PTPRT: variants seen among roughly 807,000 people sequenced by gnomAD.
PTPRT encodes the protein protein tyrosine phosphatase receptor type T.
In PTPRT, 56 loss-of-function variants were observed where a neutral mutation model predicts 176.8. The ratio of observed to expected loss-of-function variants is 0.32; its 90% CI spans 0.26 to 0.40. PTPRT has a LOEUF of 0.40. PTPRT is among the 10% of genes least tolerant of loss of function. PTPRT has a pLI of 1.00. For missense variants in PTPRT, 1,540 were observed against 1,908.2 expected, an observed-to-expected ratio of 0.81 and a Z score of 3.60; for synonymous variants, 783 against 739.0, an observed-to-expected ratio of 1.06 and a Z score of -0.96.
chr20:42,199,405 AG>A lies in PTPRT; in HGVS notation c.2343-18del. On this transcript the variant is annotated intron_variant, in intron 15 of 30. Transcript: ENST00000373187. ...GCCAGCTTCCTTTGGGACATGTGCA[AG>A]GGGAAAAAACCACAGTCAGATGGTG... 1 of 1,611,588 alleles carries A rather than the reference AG, an allele frequency of 6.2e-7. No individual in the cohort carries two copies. Among genetic ancestry groups the A allele is most frequent in the African/African-American group, 1.3e-5 (1 of 74,910 alleles).
chr20:42,244,120 T>G (rs530203476), intron 14 of PTPRT, among the ~76,000 whole-genome samples: 38 of 152,204 alleles, frequency 2.5e-4, no homozygotes, highest in Non-Finnish European at 4.6e-4. Flanking sequence ...TAAAACTGGC[T>G]ACCTTTCATA....
intron 1 of PTPRT, among the ~76,000 whole-genome samples, chr20:42,907,108 A>T (rs901754881): frequency 5.3e-5 from 8 of 152,214 alleles, no homozygotes; most frequent in Non-Finnish European, 1.0e-4. Flanking sequence ...TGAGTAAATG[A>T]AAAAAATGAA....
At chr20:42,918,506 A>G (rs539029679) in intron 1 of PTPRT, among the ~76,000 whole-genome samples, 1 of 152,192 alleles carries the variant, frequency 6.6e-6, no homozygotes, top group East Asian at 1.9e-4. Flanking sequence ...CCTTCTAAGG[A>G]TTTGCTGACC....
chr20:42,747,910 C>T (rs2076713387), intron 6 of PTPRT, among the ~76,000 whole-genome samples: 2 of 152,186 alleles, frequency 1.3e-5, no homozygotes, highest in African/African-American at 4.8e-5. Context: ...ATCACTCAGG[C>T]TGCTGCATTG....
chr20:42,981,862 T>C (rs931016841), intron 1 of PTPRT, among the ~76,000 whole-genome samples: 7 of 152,214 alleles, frequency 4.6e-5, no homozygotes, highest in Non-Finnish European at 4.4e-5. Context: ...AATGGATGGC[T>C]TTGGGTGTTG....
Position 42,520,982 on chromosome 20 carries a change from ATCTG to A in PTPRT, c.1154-48424_1154-48421del, listed in dbSNP as rs756613515. On this transcript the variant is annotated intron_variant, in intron 7 of 30. Transcript: ENST00000373187. ...CACCAACCTACATACATATGTGACT[ATCTG>A]TCTGTCTGTCTATCTATCTATCATC... is the stretch of plus-strand genomic sequence containing the variant. Among the ~76,000 whole-genome samples, 158 of 149,956 alleles carry A rather than the reference ATCTG, an allele frequency of 1.1e-3. 1 individual carries two copies. The highest frequency in any genetic ancestry group is 3.9e-3 in the East Asian group (20 of 5,158).
rs1425286016 is a variant in PTPRT, at chr20:42,104,654, G to A, written c.3455C>T (p.Pro1152Leu). 6 of 1,599,056 alleles carry A rather than the reference G, an allele frequency of 3.8e-6. No individual in the cohort carries two copies. Among genetic ancestry groups the A allele is most frequent in the Non-Finnish European group, 5.1e-6 (6 of 1,166,380 alleles). ...EACLCGNTAI[P>L]VCEFRSLYYN... ...GTAGAGAGAACGGAACTCACACACA[G>A]GGATGGCAGTGTTGCCACAGAGGCA... The change falls in exon 25 of 31, where the codon CCT becomes CTT. Residue 1152 changes from proline (P) to leucine (L), a missense_variant. Transcript: ENST00000373187.
intron 7 of PTPRT, among the ~76,000 whole-genome samples, chr20:42,487,543 G>C (rs1385588585): frequency 6.6e-6 from 1 of 152,024 alleles, no homozygotes; most frequent in Non-Finnish European, 1.5e-5. Flanking sequence ...GGATTATCCG[G>C]GTGGGCCCCA....
chr20:42,370,342 C>T (rs2058571003), intron 9 of PTPRT, among the ~76,000 whole-genome samples: 1 of 152,168 alleles, frequency 6.6e-6, no homozygotes, highest in African/African-American at 2.4e-5. Context: ...TGCCAGGTGT[C>T]AAGCCTTCCC....
intron 11 of PTPRT, among the ~76,000 whole-genome samples, chr20:42,347,222 CAATTCAGAAAACT>C (rs1186804288): frequency 7.2e-5 from 11 of 152,334 alleles, no homozygotes; most frequent in African/African-American, 1.4e-4. Context: ...AGTAAAGGAA[CAATTCAGAAAACT>C]AATTCAGAAA....
At position 42,720,794 on chromosome 20, in the gene PTPRT, C is replaced by T. The variant is rs184846757; in HGVS notation, c.859+35668G>A. On this transcript the variant is annotated intron_variant, in intron 6 of 30. Coordinates refer to ENST00000373187, the MANE Select transcript of PTPRT (RefSeq NM_007050.6). ...TTTTCAAGATATTTTGTCAGAATTG[C>T]TTGTCATAGAGGCATAGAATAATGT... is the stretch of plus-strand genomic sequence containing the variant. Among the ~76,000 whole-genome samples the T allele has an allele frequency of 3.9e-5, 6 of 152,328 alleles. No individual in the cohort carries two copies. The East Asian group carries it at 9.6e-4, about 24-fold the overall frequency.
In PTPRT at chr20:42,080,219, G is replaced by A. The variant is rs548058124; in HGVS notation, c.*660C>T. 2.2e-4 allele frequency: 52 copies of A among 232,938 alleles called. No homozygotes were observed. The highest frequency in any genetic ancestry group is 3.8e-4 in the Non-Finnish European group (45 of 117,918). The allele number at this position is 232,938 out of a possible 1,614,324, so 14.4% of individuals were successfully genotyped here. The stretch of plus-strand genomic sequence containing the variant: ...TTTATCAAAAACTGCTGTGGACACA[G>A]CTGGCCGGCCAGTGAATGCTGGACG... On this transcript the variant is annotated 3_prime_UTR_variant, in exon 31 of 31. Transcript: ENST00000373187.
intron 2 of PTPRT, among the ~76,000 whole-genome samples, chr20:42,798,081 G>A (rs534608467): frequency 2.6e-5 from 4 of 152,258 alleles, no homozygotes; most frequent in South Asian, 4.1e-4. Context: ...AACATCCTAC[G>A]CATGTCCCTG....
intron 6 of PTPRT, among the ~76,000 whole-genome samples, chr20:42,752,626 C>G (rs1256015032): frequency 2.6e-5 from 4 of 152,232 alleles, no homozygotes; most frequent in Non-Finnish European, 5.9e-5. Context: ...GCACTTGGCC[C>G]TTGAGAATCC....
chr20:42,957,384 T>A (rs906386461), intron 1 of PTPRT, among the ~76,000 whole-genome samples: 12 of 152,322 alleles, frequency 7.9e-5, no homozygotes, highest in South Asian at 2.1e-4. Flanking sequence ...AGTAAATGTA[T>A]TTTTAATCTC....
intron 1 of PTPRT, among the ~76,000 whole-genome samples, chr20:43,015,480 T>C (rs940876499): frequency 7.2e-5 from 11 of 152,194 alleles, no homozygotes; most frequent in African/African-American, 2.7e-4. Context: ...CAATTTCCTA[T>C]GGTCCATGTA....
chr20:42,093,835 C>T (rs943398046), intron 27 of PTPRT, among the ~76,000 whole-genome samples: 1 of 152,236 alleles, frequency 6.6e-6, no homozygotes. Context: ...TTCTGATGCT[C>T]ATCCTGTGTC....
chr20:42,915,326 G>A (rs1018920597), intron 1 of PTPRT, among the ~76,000 whole-genome samples: 3 of 152,192 alleles, frequency 2.0e-5, no homozygotes, highest in Admixed American at 6.5e-5. Flanking sequence ...CTCAGGCCTG[G>A]CCAGGCTATA....
chr20:42,413,843 G>A (rs1568858243), intron 9 of PTPRT, among the ~76,000 whole-genome samples: 2 of 152,054 alleles, frequency 1.3e-5, no homozygotes, highest in South Asian at 4.2e-4. Flanking sequence ...CACTCTCCAC[G>A]AGAGTAGAGA....
Sources: allele counts gnomAD v4.1 joint callset (sites outside exome capture counted in the v4.1 genomes callset), GRCh38; gene constraint gnomAD v4.1.1; transcripts MANE v1.5; gene names NCBI Gene and HGNC (gene_info 2026-07-23, HGNC 2026-07-21).